SETBP1: variants seen among roughly 807,000 people sequenced by gnomAD.
SETBP1 encodes SET binding protein 1, also known as SET-binding protein.
Under a neutral mutation model 101.0 loss-of-function variants are expected in SETBP1, and 9 were observed. The observed-to-expected ratio is 0.09, with a 90% CI of 0.05 to 0.16. The LOEUF (loss-of-function observed/expected upper bound fraction) is 0.16, where lower values mean the gene tolerates loss of function less well. SETBP1 is among the 10% of genes least tolerant of loss of function. SETBP1 has a pLI of 1.00. For synonymous variants in SETBP1, 818 were observed against 788.5 expected (o/e 1.04, Z -0.63); for missense variants, 1,858 against 2,033.8 (o/e 0.91, Z 1.66).
At chr18:44,742,486 G>T (rs911573364) in intron 2 of SETBP1, among the ~76,000 whole-genome samples, 3 of 152,206 alleles carry the variant, frequency 2.0e-5, no homozygotes, top group Admixed American at 1.3e-4. Context: ...CAAAAGTATA[G>T]CTCATTGGCT....
At chr18:44,904,838 A>G (rs2070135795) in intron 3 of SETBP1, among the ~76,000 whole-genome samples, 1 of 152,188 alleles carries the variant, frequency 6.6e-6, no homozygotes, top group South Asian at 2.1e-4. Context: ...TGGGAGCATG[A>G]TAGAGCACTT....
At chr18:44,953,446 T>A in intron 4 of SETBP1, 106 bp downstream of exon 4, 2 of 1,018,948 alleles carry the variant, frequency 2.0e-6, no homozygotes, top group African/African-American at 1.6e-5. Context: ...TGCAAAGAGG[T>A]GGGAATCAAA....
chr18:44,958,966 C>G (rs1041295056), intron 4 of SETBP1, among the ~76,000 whole-genome samples: 2 of 152,094 alleles, frequency 1.3e-5, no homozygotes, highest in African/African-American at 2.4e-5. Context: ...AATGATATAA[C>G]CCATAACTTT....
intron 2 of SETBP1, among the ~76,000 whole-genome samples, chr18:44,830,081 G>A (rs2072326327): frequency 6.6e-6 from 1 of 152,172 alleles, no homozygotes; most frequent in Non-Finnish European, 1.5e-5. Context: ...AAAAATTTAA[G>A]TAGGTAAATA....
At chr18:44,720,912 C>A (rs1315869198) in intron 2 of SETBP1, among the ~76,000 whole-genome samples, 2 of 143,186 alleles carry the variant, frequency 1.4e-5, no homozygotes, top group South Asian at 2.5e-4. Flanking sequence ...CCCCCACCCC[C>A]CACCCCAACC....
chr18:45,003,189 C>CA (rs1450940701), intron 4 of SETBP1, among the ~76,000 whole-genome samples: 1 of 152,044 alleles, frequency 6.6e-6, no homozygotes, highest in Non-Finnish European at 1.5e-5. Context: ...TCTGAGAAAA[C>CA]AAAAATATGC....
At chr18:44,754,569 G>T (rs1186326527) in intron 2 of SETBP1, among the ~76,000 whole-genome samples, 1 of 152,160 alleles carries the variant, frequency 6.6e-6, no homozygotes, top group African/African-American at 2.4e-5. Context: ...TTCTTATAGA[G>T]AAGTCCCTTT....
At position 45,059,513 on chromosome 18, in the gene SETBP1, A is replaced by C. The variant is rs141323141; in HGVS notation, c.4172-3566A>C. Among the ~76,000 whole-genome samples the C allele has an allele frequency of 5.8e-3, 884 of 152,056 alleles. 13 individuals are homozygous for C. Among genetic ancestry groups the C allele is most frequent in the African/African-American group, 0.02 (835 of 41,482 alleles). ...TCATCTTCTCCCTGCCCTGCGATTT[A>C]TTTGTGGAAGACACCAGGTTGTTTG... On this transcript the variant is annotated intron_variant, in intron 5 of 5. Transcript: ENST00000649279.
rs11399627 is a variant in SETBP1 at position 44,787,860 on chromosome 18, C to CAAAAAA, written c.487-81355_487-81350dup. 1.2e-3 allele frequency among the ~76,000 whole-genome samples: 11 copies of CAAAAAA among 9,216 alleles called. 2 individuals carry two copies. The highest frequency in any genetic ancestry group is 3.6e-3 in the Admixed American group (3 of 842). The allele number at this position is 9,216 out of a possible 152,430, so 6.0% of individuals were successfully genotyped here. A position where few individuals can be genotyped will look rare whatever the true frequency, so the allele number is the denominator to read the frequency against. ...TGGGCGACAGAGCGAGAGTCCGTCT[C>CAAAAAA]AAAAAAAAAAAAAAAAAAAAGAAAA... is the stretch of plus-strand genomic sequence containing the variant. On this transcript the variant is annotated intron_variant, in intron 2 of 5. Coordinates refer to ENST00000649279, the MANE Select transcript of SETBP1 (RefSeq NM_015559.3).
chr18:45,046,097 T>C (rs891967561), intron 5 of SETBP1, among the ~76,000 whole-genome samples: 1 of 151,122 alleles, frequency 6.6e-6, no homozygotes, highest in African/African-American at 2.5e-5. Context: ...CTACATTTAA[T>C]ACAGTGTCTG....
At chr18:45,008,565 C>A (rs2072775690) in intron 4 of SETBP1, among the ~76,000 whole-genome samples, 1 of 152,200 alleles carries the variant, frequency 6.6e-6, no homozygotes, top group Non-Finnish European at 1.5e-5. Context: ...GTTTGATAGA[C>A]CAGATTTCTA....
intron 3 of SETBP1, among the ~76,000 whole-genome samples, chr18:44,884,347 G>A (rs1163326370): frequency 2.0e-5 from 3 of 152,144 alleles, no homozygotes; most frequent in East Asian, 1.9e-4. Context: ...TGGAACAGAG[G>A]GCTTTTTCAA....
At chr18:44,772,248 G>T (rs1458667767) in intron 2 of SETBP1, among the ~76,000 whole-genome samples, 2 of 152,110 alleles carry the variant, frequency 1.3e-5, no homozygotes, top group Non-Finnish European at 2.9e-5. Context: ...AAGGGTCATC[G>T]TGTGACTGTA....
chr18:45,055,191 G>T (rs1410662463), intron 5 of SETBP1, among the ~76,000 whole-genome samples: 1 of 152,124 alleles, frequency 6.6e-6, no homozygotes, highest in African/African-American at 2.4e-5. Flanking sequence ...GATCTTTGAG[G>T]ATTAAATACC....
intron 1 of SETBP1, among the ~76,000 whole-genome samples, chr18:44,700,425 C>T (rs2614997): frequency 0.015 from 2,263 of 152,184 alleles, 69 homozygotes; most frequent in African/African-American, 0.052. Flanking sequence ...TCTAGAAAGG[C>T]TATTTTTAAT....
At chr18:44,947,377 C>T (rs539156397) in intron 3 of SETBP1, among the ~76,000 whole-genome samples, 46 of 151,882 alleles carry the variant, frequency 3.0e-4, no homozygotes, top group Non-Finnish European at 6.0e-4. Context: ...TGGAGCCTCT[C>T]TGTGGACTTT....
chr18:44,716,397 C>T (rs2069465349), intron 2 of SETBP1, among the ~76,000 whole-genome samples: 1 of 152,174 alleles, frequency 6.6e-6, no homozygotes, highest in South Asian at 2.1e-4. Context: ...CTTTCTGTGT[C>T]CAACCTGCCC....
intron 3 of SETBP1, among the ~76,000 whole-genome samples, chr18:44,942,546 C>G (rs914251574): frequency 3.9e-5 from 6 of 152,122 alleles, no homozygotes; most frequent in Non-Finnish European, 7.4e-5. Flanking sequence ...CTTTTCTTCC[C>G]TATGCCCAGA....
intron 2 of SETBP1, among the ~76,000 whole-genome samples, chr18:44,804,843 A>G (rs1024918059): frequency 6.6e-6 from 1 of 151,954 alleles, no homozygotes; most frequent in Non-Finnish European, 1.5e-5. Context: ...TTACACTCTC[A>G]TGGTTTTTTT....
Sources: gnomAD v4.1 joint callset for allele counts (sites outside exome capture counted in the v4.1 genomes callset) on GRCh38, gnomAD v4.1.1 for gene constraint, MANE v1.5 for transcripts, NCBI Gene and HGNC (gene_info 2026-07-23, HGNC 2026-07-21) for gene names.